The following NADK2 variants were observed in gnomAD, a reference collection of about 807,000 sequenced individuals.
NADK2 encodes NAD kinase 2, mitochondrial, also known as NAD kinase domain-containing protein 1, mitochondrial.
In NADK2, 35 loss-of-function variants were observed where a neutral mutation model predicts 62.1. That is an observed-to-expected ratio of 0.56 (90% confidence interval 0.43 to 0.75). NADK2 has a LOEUF of 0.75. Among genes scored for constraint, NADK2 ranks in the 30% least tolerant of loss-of-function variants. NADK2 has a pLI of 0.00. For missense variants in NADK2, 439 were observed against 561.3 expected (o/e 0.78, Z 2.20); for synonymous variants, 205 against 207.9 (o/e 0.99, Z 0.12).
intron 1 of NADK2, among the ~76,000 whole-genome samples, chr5:36,234,580 T>C (rs1432070086): frequency 6.6e-6 from 1 of 152,174 alleles, no homozygotes; most frequent in Non-Finnish European, 1.5e-5. Flanking sequence ...AGCATATGTA[T>C]GAGAACAATA....
intron 10 of NADK2, among the ~76,000 whole-genome samples, chr5:36,199,853 T>C (rs556051986): frequency 6.6e-6 from 1 of 152,124 alleles, no homozygotes; most frequent in East Asian, 1.9e-4. Flanking sequence ...AAAAAGAATA[T>C]TTGAGTGAAT....
chr5:36,224,497 C>T (rs1747401742), intron 4 of NADK2, among the ~76,000 whole-genome samples: 1 of 148,628 alleles, frequency 6.7e-6, no homozygotes, highest in Non-Finnish European at 1.5e-5. Context: ...GCAGAGGTTG[C>T]AGTGTGCTGA....
Position 36,219,501 on chromosome 5 carries a change from G to A in NADK2, c.644+95C>T, listed in dbSNP as rs185931062. 29 of 1,099,422 alleles carry A rather than the reference G, an allele frequency of 2.6e-5. No homozygotes were observed. In the Middle Eastern group the frequency reaches 2.2e-3, roughly 84 times the overall value. The allele number at this position is 1,099,422 out of a possible 1,614,324, so 68.1% of individuals were successfully genotyped here. A position where few individuals can be genotyped will look rare whatever the true frequency, so the allele number is the denominator to read the frequency against. On this transcript the variant is annotated intron_variant, in intron 5 of 11. Coordinates refer to ENST00000381937, the MANE Select transcript of NADK2 (RefSeq NM_001085411.3). The stretch of plus-strand genomic sequence containing the variant: ...ACTGGGATTACAGGCGTGAGATACC[G>A]TGCCCTGCCTGATTTGTTCTGTTTT...
chr5:36,236,000 T>C (rs1016321231), intron 1 of NADK2, among the ~76,000 whole-genome samples: 3 of 152,164 alleles, frequency 2.0e-5, no homozygotes, highest in East Asian at 1.9e-4. Context: ...AGTTCACTGA[T>C]AGTGACAAAT....
rs1172955530 is a variant in NADK2 at position 36,241,424 on chromosome 5, C to T, written c.300+75G>A. 31 of 1,435,476 alleles carry T rather than the reference C, an allele frequency of 2.2e-5. No homozygotes were observed. Among genetic ancestry groups the T allele is most frequent in the East Asian group, 1.2e-4 (4 of 33,530 alleles). The allele number at this position is 1,435,476 out of a possible 1,614,324, so 88.9% of individuals were successfully genotyped here. On this transcript the variant is annotated intron_variant, in intron 1 of 11. Transcript: ENST00000381937. The surrounding 1 kb of genome is among the most constrained non-coding windows in gnomAD (Gnocchi z 4.9). ...CCTGGGAAGAGTCGTCCCGAGAGGTCCCCCCGAGGGGGCGCAGCCGCCACC... is the reference window on the plus strand; with the variant it reads ...CCTGGGAAGAGTCGTCCCGAGAGGTTCCCCCGAGGGGGCGCAGCCGCCACC...
chr5:36,199,473 G>C (rs1309169911), intron 10 of NADK2, among the ~76,000 whole-genome samples: 4 of 151,896 alleles, frequency 2.6e-5, no homozygotes, highest in South Asian at 2.1e-4. Flanking sequence ...TCAATGCAGA[G>C]AGCAAAAAAA....
chr5:36,225,306 G>A (rs554884402), intron 4 of NADK2, among the ~76,000 whole-genome samples: 16 of 152,194 alleles, frequency 1.1e-4, no homozygotes, highest in African/African-American at 3.4e-4. Context: ...AATGTTCATG[G>A]TGGCCAGGAA....
intron 1 of NADK2, 91 bp from the exon 2 acceptor site, chr5:36,227,656 TAA>T: frequency 1.6e-6 from 1 of 623,294 alleles, no homozygotes; most frequent in Non-Finnish European, 2.4e-6. Flanking sequence ...GTATAAAATA[TAA>T]TTTTTTGAAA....
intron 1 of NADK2, among the ~76,000 whole-genome samples, chr5:36,230,428 C>T (rs2112180257): frequency 6.6e-6 from 1 of 152,322 alleles, no homozygotes; most frequent in Admixed American, 6.5e-5. Context: ...CCTGTTAATT[C>T]CCTTTTTTGC....
chr5:36,225,480 C>A, intron 4 of NADK2, 62 bp downstream of exon 4: 2 of 1,345,726 alleles, frequency 1.5e-6, no homozygotes, highest in South Asian at 1.3e-5. Context: ...TATGTATAAC[C>A]TAAAAAAAAA....
chr5:36,220,437 A>G (rs998830132), intron 4 of NADK2, among the ~76,000 whole-genome samples: 1 of 152,188 alleles, frequency 6.6e-6, no homozygotes, highest in African/African-American at 2.4e-5. Context: ...TGATACTCCA[A>G]TCTTGAAGAA....
In NADK2 at chr5:36,241,490, A is replaced by G. The variant is rs1387621900; in HGVS notation, c.300+9T>C. On this transcript the variant is annotated intron_variant, in intron 1 of 11. Coordinates refer to ENST00000381937, the MANE Select transcript of NADK2 (RefSeq NM_001085411.3). This position sits in a 1 kb window ranked among gnomAD's most constrained non-coding sequence, Gnocchi z 4.9. Reference sequence around the variant, plus strand: ...CCCGGGAGCGAAGCGGGGCCGAGCCAGGACCCACCAGCTGCTTCAGGTCCT... The same window carrying G: ...CCCGGGAGCGAAGCGGGGCCGAGCCGGGACCCACCAGCTGCTTCAGGTCCT... 2 of 1,540,260 alleles carry G rather than the reference A, an allele frequency of 1.3e-6. No homozygotes were observed. Among genetic ancestry groups the G allele is most frequent in the East Asian group, 2.6e-5 (1 of 38,596 alleles).
At chr5:36,206,791 G>C (rs200386037) in intron 8 of NADK2, among the ~76,000 whole-genome samples, 1 of 152,206 alleles carries the variant, frequency 6.6e-6, no homozygotes, top group Non-Finnish European at 1.5e-5. Context: ...ACAGGACATA[G>C]GGATGCACCA....
chr5:36,227,347 T>C, intron 2 of NADK2, 130 bp downstream of exon 2: 1 of 408,988 alleles, frequency 2.4e-6, no homozygotes, highest in Non-Finnish European at 4.3e-6. Flanking sequence ...TTAACCTTGA[T>C]ATAATTTTCT....
chr5:36,223,641 G>A (rs887057115), intron 4 of NADK2, among the ~76,000 whole-genome samples: 3 of 152,112 alleles, frequency 2.0e-5, no homozygotes, highest in African/African-American at 7.2e-5. Flanking sequence ...GTAAGACAAG[G>A]ACTAAAATAT....
rs186051640 is a variant in NADK2 at position 36,200,297 on chromosome 5, G to A, written c.1013-17C>T. Reference sequence around the variant, plus strand: ...GTCGTTTTGCTGTTGAAAAAGGAAAGGGGGAAAATGTATGTTATAAATATA... The same window carrying A: ...GTCGTTTTGCTGTTGAAAAAGGAAAAGGGGAAAATGTATGTTATAAATATA... On this transcript the variant is annotated splice_polypyrimidine_tract_variant and intron_variant, in intron 9 of 11. Transcript: ENST00000381937. 476 of 1,560,744 alleles carry A rather than the reference G, an allele frequency of 3.0e-4. 1 individual carries two copies. The African/African-American group carries it at 5.6e-3, about 18-fold the overall frequency.
chr5:36,193,013 T>C lies in NADK2; in HGVS notation c.*2131A>G, dbSNP rs925210712. On this transcript the variant is annotated 3_prime_UTR_variant, in exon 12 of 12. Transcript: ENST00000381937. Reference sequence around the variant, plus strand: ...ATAAACCCCCATCACAGAGCAGAAATGTTAGAAATTATATCACAAATGGAG... The same window carrying C: ...ATAAACCCCCATCACAGAGCAGAAACGTTAGAAATTATATCACAAATGGAG... The C allele has an allele frequency of 3.3e-5, 5 of 152,218 alleles. No individual in the cohort carries two copies. Among genetic ancestry groups the C allele is most frequent in the African/African-American group, 9.6e-5 (4 of 41,462 alleles). 9.4% of individuals were successfully genotyped at this position (152,218 alleles called of 1,614,324 possible).
rs1389580262 is a variant in NADK2 at position 36,217,800 on chromosome 5, T to C, written c.729A>G (p.Leu243=). 1 of 1,614,022 alleles carries C rather than the reference T, an allele frequency of 6.2e-7. No homozygotes were observed. The highest frequency in any genetic ancestry group is 8.5e-7 in the Non-Finnish European group (1 of 1,179,918). Residue 243 remains leucine, a synonymous_variant, in exon 6 of 12, where the codon CTA becomes CTG. Coordinates refer to ENST00000381937, the MANE Select transcript of NADK2 (RefSeq NM_001085411.3). Reference sequence around the variant, plus strand: ...GGGCTCTATTGTGCTGATTCAAGCTTAGCTGCTGCTCGTGAAGGTCCACAG... The same window carrying C: ...GGGCTCTATTGTGCTGATTCAAGCTCAGCTGCTGCTCGTGAAGGTCCACAG... ...PVPVDLHEQQ[L]SLNQHNRALN...
At chr5:36,196,393 C>T (rs998829048) in intron 11 of NADK2, among the ~76,000 whole-genome samples, 2 of 152,080 alleles carry the variant, frequency 1.3e-5, no homozygotes, top group South Asian at 4.1e-4. Context: ...TAAGGTCAAT[C>T]ATGTTTTTTG....
Sources: allele counts gnomAD v4.1 joint callset (sites outside exome capture counted in the v4.1 genomes callset), GRCh38; gene constraint gnomAD v4.1.1; non-coding constraint Gnocchi (gnomAD v3.1); transcripts MANE v1.5; gene names NCBI Gene and HGNC (gene_info 2026-07-23, HGNC 2026-07-21).